Variants in LRRTM1 observed in about 807,000 individuals in gnomAD.
LRRTM1 encodes the protein leucine rich repeat transmembrane neuronal 1, also known as leucine-rich repeat transmembrane neuronal protein 1.
LRRTM1 carries 8 observed loss-of-function variants against 37.3 expected under a neutral mutation model. That is an observed-to-expected ratio of 0.21 (90% CI 0.13 to 0.39). The LOEUF (loss-of-function observed/expected upper bound fraction) is 0.39, where lower values mean the gene tolerates loss of function less well. Ranked by LOEUF, LRRTM1 falls within the 10% of genes least tolerant of loss-of-function variation. LRRTM1 has a pLI of 1.00. For missense variants in LRRTM1, 557 were observed against 691.0 expected (o/e 0.81, Z 2.17); for synonymous variants, 326 against 316.8 (o/e 1.03, Z -0.31).
At chr2:80,299,149 A>G (rs1298677463), downstream of LRRTM1, 1 of 152,200 alleles carries the variant, frequency 6.6e-6, no homozygotes, top group African/African-American at 2.4e-5. Flanking sequence ...CAGATAGCAC[A>G]GCATAATGAG....
chr2:80,300,124 C>T (rs1398033209), downstream of LRRTM1, among the ~76,000 whole-genome samples: 1 of 152,070 alleles, frequency 6.6e-6, no homozygotes, highest in Non-Finnish European at 1.5e-5. Context: ...AAATTCAAAA[C>T]CCCCTCCTCA....
intron 2 of LRRTM1, among the ~76,000 whole-genome samples, chr2:80,291,196 CCCTTGGGGGAAGTTCATCGCTTTG>C (rs1265040773): frequency 6.6e-6 from 1 of 152,226 alleles, no homozygotes; most frequent in African/African-American, 2.4e-5. Context: ...TGGAGTCTTT[CCCTTGGGGGAAGTTCATCGCTTTG>C]CCTGTTGATA....
chr2:80,303,063 C>T lies in LRRTM1; in HGVS notation c.757G>A (p.Asp253Asn). The T allele has an allele frequency of 3.1e-6, 5 of 1,613,978 alleles. No individual in the cohort carries two copies. Among genetic ancestry groups the T allele is most frequent in the Non-Finnish European group, 4.2e-6 (5 of 1,180,028 alleles). Residue 253 changes from aspartate (D) to asparagine (N), a missense_variant, in exon 2 of 2, where the codon GAC (aspartate) becomes AAC (asparagine). Coordinates refer to ENST00000295057, the MANE Select transcript of LRRTM1 (RefSeq NM_178839.5). The surrounding 1 kb of genome is among the most constrained non-coding windows in gnomAD (Gnocchi z 7.7). ...ATTTTCTCCAGGTTCCAAACCCAGTCCAGCGAGCTGACCACAATGGCCACC... is the reference window on the plus strand; with the variant it reads ...ATTTTCTCCAGGTTCCAAACCCAGTTCAGCGAGCTGACCACAATGGCCACC... Reference protein sequence around the residue: ...NKVAIVVSSLDWVWNLEKMDL... With the variant: ...NKVAIVVSSLNWVWNLEKMDL...
chr2:80,298,723 G>A (rs112065940), downstream of LRRTM1: 2 of 152,350 alleles, frequency 1.3e-5, no homozygotes, highest in African/African-American at 4.8e-5. Context: ...ACTTTGATGA[G>A]TTCAGAAGAA....
chr2:80,297,474 C>T, downstream of LRRTM1, among the ~76,000 whole-genome samples: 1 of 152,110 alleles, frequency 6.6e-6, no homozygotes, highest in East Asian at 1.9e-4. Flanking sequence ...TTGTATTTCT[C>T]CATCTCATTT....
In LRRTM1 at chr2:80,303,741, C is replaced by G; in HGVS notation, c.79G>C (p.Ala27Pro). 1 of 1,597,358 alleles carries G rather than the reference C, an allele frequency of 6.3e-7. No homozygotes were observed. The highest frequency in any genetic ancestry group is 1.1e-5 in the South Asian group (1 of 87,778). Residue 27 changes from alanine to proline, a missense_variant, in exon 2 of 2, where the codon GCC becomes CCC. Transcript: ENST00000295057. This position sits in a 1 kb window ranked among gnomAD's most constrained non-coding sequence, Gnocchi z 7.7. The stretch of plus-strand genomic sequence containing the variant: ...GCGGCGGGCAGCATCTGAAAGCAGG[C>G]CCCCAGCAGACACAAGACCACCCCC... ...PSGVVLCLLG[A>P]CFQMLPAAPS... is the part of the protein sequence containing the mutation.
At position 80,303,384 on chromosome 2, in the gene LRRTM1, A is replaced by C; in HGVS notation, c.436T>G (p.Tyr146Asp). The change falls in exon 2 of 2, where the codon TAC (tyrosine) becomes GAC (aspartate). Residue 146 changes from tyrosine to aspartate, a missense_variant. Physicochemically the swap from Tyr to Asp is radical, Grantham distance 160. This residue lies in a region of LRRTM1 where 38 missense variants were observed against 72.9 expected (regional missense o/e 0.52). Transcript: ENST00000295057. The surrounding 1 kb of genome is among the most constrained non-coding windows in gnomAD (Gnocchi z 7.7). ...GGCGCGAGCGCCTGCAGCTTGTTGT[A>C]CGAGAGGTCCACGCTGCGCAGGTTG... ...MPNLRSVDLS[Y>D]NKLQALAPDL... 1 of 1,614,124 alleles carries C rather than the reference A, an allele frequency of 6.2e-7. No individual in the cohort carries two copies. The highest frequency in any genetic ancestry group is 8.5e-7 in the Non-Finnish European group (1 of 1,180,028).
At chr2:80,288,626 G>C (rs534832523) in exon 3 of LRRTM1, 1 of 152,210 alleles carries the variant, frequency 6.6e-6, no homozygotes, top group East Asian at 1.9e-4. Context: ...AGATTCTTCA[G>C]CCTGTTTCCA....
chr2:80,292,642 C>G (rs1414758732), intron 2 of LRRTM1, among the ~76,000 whole-genome samples: 2 of 152,202 alleles, frequency 1.3e-5, no homozygotes, highest in African/African-American at 4.8e-5. Flanking sequence ...TGCATACTCT[C>G]ATGGTGAGTC....
chr2:80,292,708 A>G (rs1355190970), intron 2 of LRRTM1, among the ~76,000 whole-genome samples: 1 of 152,200 alleles, frequency 6.6e-6, no homozygotes, highest in Non-Finnish European at 1.5e-5. Flanking sequence ...CGCAGGTGCA[A>G]TCATTTATAA....
At chr2:80,290,033 T>C (rs1675103293) in intron 2 of LRRTM1, among the ~76,000 whole-genome samples, 1 of 152,110 alleles carries the variant, frequency 6.6e-6, no homozygotes, top group African/African-American at 2.4e-5. Context: ...CCTTAAATCT[T>C]TGCATAGGAC....
chr2:80,292,674 G>A (rs1002832111), intron 2 of LRRTM1, among the ~76,000 whole-genome samples: 1 of 152,208 alleles, frequency 6.6e-6, no homozygotes, highest in African/African-American at 2.4e-5. Flanking sequence ...TGCCAGCATA[G>A]TCCTCTTGAG....
downstream of LRRTM1, among the ~76,000 whole-genome samples, chr2:80,300,125 C>T (rs979787605): frequency 1.3e-5 from 2 of 151,936 alleles, no homozygotes; most frequent in Admixed American, 1.3e-4. Context: ...AATTCAAAAC[C>T]CCCTCCTCAA....
At chr2:80,292,054 C>A (rs1573614027) in intron 2 of LRRTM1, among the ~76,000 whole-genome samples, 2 of 152,308 alleles carry the variant, frequency 1.3e-5, no homozygotes, top group Admixed American at 1.3e-4. Flanking sequence ...TTTTGAGTCT[C>A]ATCCTATCAC....
chr2:80,300,547 C>T (rs1221233423), downstream of LRRTM1, among the ~76,000 whole-genome samples: 1 of 151,972 alleles, frequency 6.6e-6, no homozygotes, highest in African/African-American at 2.4e-5. Context: ...TAGCTGGAGA[C>T]ATTTGCATGT....
At chr2:80,289,015 C>T (rs1371119150) in exon 3 of LRRTM1, 2 of 152,084 alleles carry the variant, frequency 1.3e-5, no homozygotes, top group Admixed American at 6.5e-5. Context: ...AAAAACAACG[C>T]GTGCACTTTT....
chr2:80,294,085 A>G (rs531731917), intron 2 of LRRTM1, among the ~76,000 whole-genome samples: 30 of 152,238 alleles, frequency 2.0e-4, no homozygotes, highest in African/African-American at 6.3e-4. Flanking sequence ...GACACAACCA[A>G]TCAGAGAAGG....
intron 2 of LRRTM1, among the ~76,000 whole-genome samples, chr2:80,294,002 G>A (rs574206835): frequency 1.1e-4 from 17 of 152,216 alleles, no homozygotes; most frequent in East Asian, 3.9e-4. Context: ...TGTGTGCAAT[G>A]GGTTTTCCAG....
chr2:80,294,878 CA>C (rs1192823812), intron 2 of LRRTM1, among the ~76,000 whole-genome samples: 1 of 152,138 alleles, frequency 6.6e-6, no homozygotes, highest in Non-Finnish European at 1.5e-5. Flanking sequence ...TACAACATTA[CA>C]TTGAGAACAG....
Sources: gnomAD v4.1 joint callset for allele counts (sites outside exome capture counted in the v4.1 genomes callset) on GRCh38, gnomAD v4.1.1 for gene constraint, gnomAD v4.1.1 regional missense constraint, Gnocchi (gnomAD v3.1) non-coding constraint, MANE v1.5 for transcripts, NCBI Gene and HGNC (gene_info 2026-07-23, HGNC 2026-07-21) for gene names.